Variants in TBC1D15 observed in about 807,000 individuals in gnomAD.
The protein encoded by TBC1D15 is TBC1 domain family member 15, also known as GAP for RAB7.
TBC1D15 carries 39 observed loss-of-function variants against 95.4 expected under a neutral mutation model. The ratio of observed to expected loss-of-function variants is 0.41; its 90% confidence interval spans 0.32 to 0.53. The LOEUF (loss-of-function observed/expected upper bound fraction) is 0.53. Among genes scored for constraint, TBC1D15 ranks in the 20% least tolerant of loss-of-function variants. The pLI is 0.29. For synonymous variants in TBC1D15, 258 were observed against 261.3 expected (o/e 0.99, Z 0.12); for missense variants, 733 against 794.3 (o/e 0.92, Z 0.93).
intron 1 of TBC1D15, among the ~76,000 whole-genome samples, chr12:71,845,001 G>T (rs1459785261): frequency 6.6e-6 from 1 of 152,174 alleles, no homozygotes; most frequent in Non-Finnish European, 1.5e-5. Flanking sequence ...AAGAATTTGG[G>T]CAGGCTATTG....
In TBC1D15 at chr12:71,894,849, A is replaced by G. The variant is rs769307608; in HGVS notation, c.821A>G (p.Gln274Arg). The change falls in exon 7 of 17, where the codon CAA becomes CGA. Residue 274 changes from glutamine to arginine, a missense_variant. Coordinates refer to ENST00000485960, the MANE Select transcript of TBC1D15 (RefSeq NM_001146213.3). Reference sequence around the variant, plus strand: ...GCTATTCCAGGTCTAAAGATAAATCAACAAGAAGAACCAGGATTTGAAGTC... The same window carrying G: ...GCTATTCCAGGTCTAAAGATAAATCGACAAGAAGAACCAGGATTTGAAGTC... ...SDAIPGLKIN[Q>R]QEEPGFEVIT... is the part of the protein sequence containing the mutation. The G allele has an allele frequency of 6.2e-7, 1 of 1,612,994 alleles. No homozygotes were observed. Among genetic ancestry groups the G allele is most frequent in the East Asian group, 2.2e-5 (1 of 44,850 alleles).
Position 71,861,664 on chromosome 12 carries a change from AT to A in TBC1D15, c.31-10396del, listed in dbSNP as rs997476231. Among the ~76,000 whole-genome samples, 819 of 146,782 alleles carry A rather than the reference AT, an allele frequency of 5.6e-3. 4 individuals carry two copies. Among genetic ancestry groups the A allele is most frequent in the African/African-American group, 0.017 (678 of 40,024 alleles). On this transcript the variant is annotated intron_variant, in intron 1 of 16. Transcript: ENST00000485960. Reference sequence around the variant, plus strand: ...CTAATAAGTCAACTTTGTTCTGTAAATTTTTTTTTTGTCTCAATTTTATTTC... The same window carrying A: ...CTAATAAGTCAACTTTGTTCTGTAAATTTTTTTTTGTCTCAATTTTATTTC...
At chr12:71,895,850 A>C in intron 7 of TBC1D15, 97 bp from the exon 8 acceptor site, 1 of 1,161,612 alleles carries the variant, frequency 8.6e-7, no homozygotes, top group Admixed American at 2.6e-5. Context: ...ATTAGAAGTC[A>C]TGTCTGAAAA....
chr12:71,877,699 C>G (rs1454823805), intron 3 of TBC1D15, among the ~76,000 whole-genome samples: 1 of 151,494 alleles, frequency 6.6e-6, no homozygotes, highest in African/African-American at 2.4e-5. Flanking sequence ...TCCTCGTGTC[C>G]CCTTTTAAAG....
rs199731405 is a variant in TBC1D15, at chr12:71,843,970, CAA to C, written c.30+4161_30+4162del. ...ATAGTCATTACTCATTAACACATCC[CAA>C]ATAAAACTCAGCTTTCTTCTTTCTG... On this transcript the variant is annotated intron_variant, in intron 1 of 16. Transcript: ENST00000485960. 7.5e-3 allele frequency among the ~76,000 whole-genome samples: 1,139 copies of C among 152,202 alleles called. 10 individuals carry two copies. The highest frequency in any genetic ancestry group is 0.01 in the Non-Finnish European group (685 of 67,994).
At chr12:71,867,074 A>G (rs897304856) in intron 1 of TBC1D15, among the ~76,000 whole-genome samples, 2 of 152,250 alleles carry the variant, frequency 1.3e-5, no homozygotes, top group Non-Finnish European at 2.9e-5. Context: ...AGATGATATG[A>G]AAAGGGTTAA....
In TBC1D15 at chr12:71,906,631, CTT is replaced by C. The variant is rs79739174; in HGVS notation, c.1184-378_1184-377del. Reference sequence around the variant, plus strand: ...TTGATTATGCTTGATTAGGTGGTAGCTTTTTTTTTTTTTTATTAGTTTTCAAG... The same window carrying C: ...TTGATTATGCTTGATTAGGTGGTAGCTTTTTTTTTTTTATTAGTTTTCAAG... On this transcript the variant is annotated intron_variant, in intron 10 of 16. Coordinates refer to ENST00000485960, the MANE Select transcript of TBC1D15 (RefSeq NM_001146213.3). 9.6e-4 allele frequency among the ~76,000 whole-genome samples: 136 copies of C among 142,098 alleles called. 1 individual carries two copies. The East Asian group carries it at 9.8e-3, about 10-fold the overall frequency. The allele number at this position is 142,098 out of a possible 152,430, so 93.2% of individuals were successfully genotyped here.
chr12:71,863,729 C>T (rs575147775), intron 1 of TBC1D15, among the ~76,000 whole-genome samples: 13 of 151,934 alleles, frequency 8.6e-5, no homozygotes, highest in African/African-American at 3.1e-4. Flanking sequence ...TCTTTTTTTT[C>T]CCCTCACTGA....
chr12:71,842,596 T>C lies in TBC1D15; in HGVS notation c.30+2785T>C, dbSNP rs1223238303. Among the ~76,000 whole-genome samples, 34 of 151,936 alleles carry C rather than the reference T, an allele frequency of 2.2e-4. 1 individual carries two copies. The highest frequency in any genetic ancestry group is 2.2e-3 in the Admixed American group (34 of 15,248). The stretch of plus-strand genomic sequence containing the variant: ...CTGTAATCCCAGCACTTTGGGAGGC[T>C]GAGGTGGGAGGATCACTTGAGCTCA... On this transcript the variant is annotated intron_variant, in intron 1 of 16. Transcript: ENST00000485960.
Position 71,913,942 on chromosome 12 carries a change from C to G in TBC1D15, c.1401+16C>G. 6.5e-7 allele frequency: 1 copy of G among 1,545,102 alleles called. No homozygotes were observed. Among genetic ancestry groups the G allele is most frequent in the Non-Finnish European group, 8.8e-7 (1 of 1,140,022 alleles). On this transcript the variant is annotated intron_variant, in intron 12 of 16. Coordinates refer to ENST00000485960, the MANE Select transcript of TBC1D15 (RefSeq NM_001146213.3). ...GGACCAAATGGTAAGAACAGAGATT[C>G]CTTCCATTAAACTGATTTTTAAAAT... is the stretch of plus-strand genomic sequence containing the variant.
intron 1 of TBC1D15, among the ~76,000 whole-genome samples, chr12:71,856,615 T>G (rs1277610148): frequency 1.3e-5 from 2 of 152,158 alleles, no homozygotes; most frequent in African/African-American, 4.8e-5. Flanking sequence ...ACTGTTCCTG[T>G]GAGCTCTTCA....
chr12:71,915,357 T>G (rs1451154265), intron 12 of TBC1D15, among the ~76,000 whole-genome samples: 1 of 151,550 alleles, frequency 6.6e-6, no homozygotes, highest in African/African-American at 2.4e-5. Flanking sequence ...ATTTTCCTAA[T>G]GCCTGACATG....
chr12:71,879,154 C>T (rs1245081437), intron 3 of TBC1D15, among the ~76,000 whole-genome samples: 3 of 147,866 alleles, frequency 2.0e-5, no homozygotes, highest in Non-Finnish European at 3.0e-5. Flanking sequence ...TTTTTGGAGA[C>T]GCAGTTTCGC....
intron 10 of TBC1D15, among the ~76,000 whole-genome samples, chr12:71,899,993 C>G (rs1899003434): frequency 6.6e-6 from 1 of 151,840 alleles, no homozygotes; most frequent in Admixed American, 6.6e-5. Context: ...TAGGTGGATT[C>G]AAGTTATATT....
At chr12:71,915,943 A>G (rs890767647) in intron 12 of TBC1D15, among the ~76,000 whole-genome samples, 13 of 152,074 alleles carry the variant, frequency 8.5e-5, no homozygotes, top group African/African-American at 2.9e-4. Context: ...TTTCTGTTTT[A>G]TAGCTTTACT....
intron 16 of TBC1D15, among the ~76,000 whole-genome samples, chr12:71,921,854 T>C (rs540921281): frequency 1.3e-5 from 2 of 152,354 alleles, no homozygotes; most frequent in South Asian, 2.1e-4. Flanking sequence ...CACTCACTTA[T>C]ATTAGTCAAG....
At chr12:71,864,888 A>G (rs933565667) in intron 1 of TBC1D15, among the ~76,000 whole-genome samples, 10 of 152,324 alleles carry the variant, frequency 6.6e-5, no homozygotes, top group Middle Eastern at 3.4e-3. Context: ...GTATCCACGT[A>G]GCTTATTTAG....
chr12:71,862,552 C>G (rs764165325), intron 1 of TBC1D15, among the ~76,000 whole-genome samples: 1 of 152,142 alleles, frequency 6.6e-6, no homozygotes, highest in Non-Finnish European at 1.5e-5. Flanking sequence ...GTGAGTTTCT[C>G]GTTAGCAGCA....
chr12:71,842,536 T>C (rs1278459361), intron 1 of TBC1D15, among the ~76,000 whole-genome samples: 1 of 151,964 alleles, frequency 6.6e-6, no homozygotes, highest in African/African-American at 2.4e-5. Flanking sequence ...CAAGAAGGTA[T>C]GAGAAAATGA....
Sources: allele counts gnomAD v4.1 joint callset (sites outside exome capture counted in the v4.1 genomes callset), GRCh38; gene constraint gnomAD v4.1.1; transcripts MANE v1.5; gene names NCBI Gene and HGNC (gene_info 2026-07-23, HGNC 2026-07-21).